Variants in DYNC1I1 observed in about 807,000 individuals in gnomAD.
DYNC1I1 encodes the protein cytoplasmic dynein 1 intermediate chain 1.
A neutral mutation model predicts 86.6 loss-of-function variants in DYNC1I1; 43 were observed. The ratio of observed to expected loss-of-function variants is 0.50; its 90% CI spans 0.39 to 0.64. DYNC1I1 has a LOEUF of 0.64. DYNC1I1 is among the 30% of genes least tolerant of loss of function. The pLI is 0.00. For synonymous variants in DYNC1I1, 262 were observed against 283.7 expected, an observed-to-expected ratio of 0.92 and a Z score of 0.77; for missense variants, 604 against 788.8, an observed-to-expected ratio of 0.77 and a Z score of 2.81.
At chr7:95,949,349 A>G (rs1792491116) in intron 6 of DYNC1I1, among the ~76,000 whole-genome samples, 1 of 152,226 alleles carries the variant, frequency 6.6e-6, no homozygotes, top group African/African-American at 2.4e-5. Flanking sequence ...TCCTTGGAGC[A>G]CTAAGCGACC....
chr7:95,995,405 T>C (rs1793841135), intron 9 of DYNC1I1, among the ~76,000 whole-genome samples: 1 of 152,302 alleles, frequency 6.6e-6, no homozygotes, highest in African/African-American at 2.4e-5. Context: ...TGTGTTACAA[T>C]TGATGGGTCT....
chr7:96,065,378 CTTTTT>C (rs34423655), intron 14 of DYNC1I1, among the ~76,000 whole-genome samples: 12 of 127,578 alleles, frequency 9.4e-5, no homozygotes, highest in Non-Finnish European at 3.2e-5. Flanking sequence ...TTCTTTCTTT[CTTTTT>C]TTTTTTTTTT....
At chr7:96,052,110 TG>T (rs1211247122) in intron 14 of DYNC1I1, among the ~76,000 whole-genome samples, 4 of 152,190 alleles carry the variant, frequency 2.6e-5, no homozygotes, top group African/African-American at 9.7e-5. Context: ...TGGTAGGCAC[TG>T]AGTAAATCAC....
At chr7:95,908,636 G>C (rs576724337) in intron 6 of DYNC1I1, among the ~76,000 whole-genome samples, 1 of 152,124 alleles carries the variant, frequency 6.6e-6, no homozygotes, top group Admixed American at 6.5e-5. Flanking sequence ...GGCGAGGGGT[G>C]GGGGTTCATC....
intron 16 of DYNC1I1, among the ~76,000 whole-genome samples, chr7:96,088,059 C>T (rs994480664): frequency 1.3e-5 from 2 of 151,978 alleles, no homozygotes; most frequent in African/African-American, 2.4e-5. Flanking sequence ...TCTTATAGTA[C>T]GTGTAATAGC....
chr7:95,870,763 G>T (rs557603202), intron 6 of DYNC1I1, among the ~76,000 whole-genome samples: 1 of 152,210 alleles, frequency 6.6e-6, no homozygotes, highest in Non-Finnish European at 1.5e-5. Flanking sequence ...GAGAGAAGTC[G>T]AAGTTGATAA....
chr7:96,078,554 T>A (rs1172614821), intron 15 of DYNC1I1, among the ~76,000 whole-genome samples: 1 of 152,180 alleles, frequency 6.6e-6, no homozygotes, highest in Admixed American at 6.5e-5. Flanking sequence ...ATTGTTTCAC[T>A]TTGTTATAGT....
chr7:95,961,598 C>T (rs1792870332), intron 6 of DYNC1I1, among the ~76,000 whole-genome samples: 1 of 152,088 alleles, frequency 6.6e-6, no homozygotes, highest in Non-Finnish European at 1.5e-5. Flanking sequence ...AATACAAATC[C>T]TCCCTGTATA....
intron 5 of DYNC1I1, among the ~76,000 whole-genome samples, chr7:95,859,493 C>A (rs1203755528): frequency 6.6e-6 from 1 of 152,214 alleles, no homozygotes; most frequent in Non-Finnish European, 1.5e-5. Flanking sequence ...ATTCATCTTA[C>A]CCAGAGATTC....
At chr7:95,786,315 G>C (rs563465003) in intron 1 of DYNC1I1, among the ~76,000 whole-genome samples, 1 of 152,016 alleles carries the variant, frequency 6.6e-6, no homozygotes, top group Non-Finnish European at 1.5e-5. Flanking sequence ...TCCCCAGTTC[G>C]CATCCTACTC....
At chr7:95,794,952 A>G (rs956094854) in intron 1 of DYNC1I1, among the ~76,000 whole-genome samples, 6 of 152,218 alleles carry the variant, frequency 3.9e-5, no homozygotes, top group African/African-American at 1.4e-4. Flanking sequence ...TTTTCCTCCA[A>G]AATAGTAGTT....
intron 6 of DYNC1I1, among the ~76,000 whole-genome samples, chr7:95,923,640 TAAC>T (rs1791668748): frequency 6.6e-6 from 1 of 152,154 alleles, no homozygotes; most frequent in Admixed American, 6.6e-5. Context: ...TTTTGTGGGA[TAAC>T]AACATTTTGT....
At chr7:95,995,249 A>AAAAAAAAT (rs111533286) in intron 9 of DYNC1I1, among the ~76,000 whole-genome samples, 18 of 143,060 alleles carry the variant, frequency 1.3e-4, no homozygotes, top group Non-Finnish European at 2.0e-4. Context: ...TCCATCTCAA[A>AAAAAAAAT]AAATAAATAA....
At position 95,924,175 on chromosome 7, in the gene DYNC1I1, G is replaced by A. The variant is rs532215127; in HGVS notation, c.491-53337G>A. ...CTGCTGGGTTTATGAAATGAACATA[G>A]TGATTCTGAGATACAATCTTCTGTG... On this transcript the variant is annotated intron_variant, in intron 6 of 16. Transcript: ENST00000447467. 5.9e-4 allele frequency among the ~76,000 whole-genome samples: 90 copies of A among 152,284 alleles called. 1 individual carries two copies. The highest frequency in any genetic ancestry group is 6.9e-4 in the Non-Finnish European group (47 of 68,006).
chr7:96,107,668 A>T (rs1215721502), intron 16 of DYNC1I1, among the ~76,000 whole-genome samples: 1 of 151,506 alleles, frequency 6.6e-6, no homozygotes, highest in Non-Finnish European at 1.5e-5. Flanking sequence ...AGTAGCTAGG[A>T]TTACAGGTGC....
At chr7:95,963,206 T>G (rs779534625) in intron 6 of DYNC1I1, among the ~76,000 whole-genome samples, 1 of 152,164 alleles carries the variant, frequency 6.6e-6, no homozygotes, top group African/African-American at 2.4e-5. Flanking sequence ...CTTTCTTCCC[T>G]CTGCCCTTGT....
intron 5 of DYNC1I1, among the ~76,000 whole-genome samples, chr7:95,843,067 C>T (rs996041288): frequency 2.0e-5 from 3 of 152,110 alleles, no homozygotes; most frequent in Admixed American, 6.6e-5. Flanking sequence ...GAAGCAAGTC[C>T]CTTACATGTA....
intron 6 of DYNC1I1, among the ~76,000 whole-genome samples, chr7:95,950,103 C>G (rs944193442): frequency 6.6e-6 from 1 of 152,068 alleles, no homozygotes; most frequent in Non-Finnish European, 1.5e-5. Flanking sequence ...TTATCACACT[C>G]CCAGGCAACT....
At chr7:95,787,907 A>T (rs1285716682) in intron 1 of DYNC1I1, among the ~76,000 whole-genome samples, 16 of 152,200 alleles carry the variant, frequency 1.1e-4, no homozygotes. Flanking sequence ...GAAGCAAGCC[A>T]TTCAGATATG....
Sources: gnomAD v4.1 joint callset for allele counts (sites outside exome capture counted in the v4.1 genomes callset) on GRCh38, gnomAD v4.1.1 for gene constraint, MANE v1.5 for transcripts, NCBI Gene and HGNC (gene_info 2026-07-23, HGNC 2026-07-21) for gene names.